IPO11: variants seen among roughly 807,000 people sequenced by gnomAD.
The protein encoded by IPO11 is importin 11, also known as importin-11.
A neutral mutation model predicts 143.2 loss-of-function variants in IPO11; 66 were observed. The observed-to-expected ratio is 0.46, with a 90% confidence interval of 0.38 to 0.57. IPO11 has a LOEUF of 0.57. Ranked by LOEUF, IPO11 falls within the 20% of genes least tolerant of loss-of-function variation. The pLI is 0.00. For synonymous variants in IPO11, 385 were observed against 377.8 expected (o/e 1.02, Z -0.22); for missense variants, 1,026 against 1,141.0 (o/e 0.90, Z 1.45).
chr5:62,536,923 A>C, intron 23 of IPO11, 142 bp downstream of exon 23: 1 of 1,014,690 alleles, frequency 9.9e-7, no homozygotes. Flanking sequence ...AGCATTTCCC[A>C]TTGCAGGGCA....
At chr5:62,458,458 G>A (rs1441015635) in intron 5 of IPO11, among the ~76,000 whole-genome samples, 3 of 152,116 alleles carry the variant, frequency 2.0e-5, no homozygotes, top group Admixed American at 2.0e-4. Flanking sequence ...ATGCCGCTAT[G>A]CCCGGCTAAT....
chr5:62,476,129 C>T (rs886457388), intron 8 of IPO11, among the ~76,000 whole-genome samples: 1 of 152,182 alleles, frequency 6.6e-6, no homozygotes, highest in Non-Finnish European at 1.5e-5. Flanking sequence ...TCATTTTTCT[C>T]TGGCCATCCT....
chr5:62,617,352 A>G (rs975850398), intron 29 of IPO11, among the ~76,000 whole-genome samples: 1 of 152,252 alleles, frequency 6.6e-6, no homozygotes, highest in African/African-American at 2.4e-5. Flanking sequence ...TATAATAGGA[A>G]CAATGTATTA....
chr5:62,547,964 C>T (rs1743263015), intron 24 of IPO11, among the ~76,000 whole-genome samples: 1 of 152,032 alleles, frequency 6.6e-6, no homozygotes, highest in Non-Finnish European at 1.5e-5. Flanking sequence ...TCAGAGACAA[C>T]CACTTTTAGT....
intron 24 of IPO11, among the ~76,000 whole-genome samples, chr5:62,542,957 A>G (rs1284765139): frequency 6.6e-6 from 1 of 152,198 alleles, no homozygotes; most frequent in Non-Finnish European, 1.5e-5. Context: ...TCATACTAGC[A>G]TTTAACATAT....
intron 29 of IPO11, among the ~76,000 whole-genome samples, chr5:62,608,950 G>A (rs1745832099): frequency 1.3e-5 from 2 of 152,146 alleles, no homozygotes; most frequent in African/African-American, 4.8e-5. Flanking sequence ...TGTTTTTACT[G>A]TCTCCATCGT....
chr5:62,499,569 C>CTT (rs35545041), intron 16 of IPO11, among the ~76,000 whole-genome samples: 2,817 of 100,062 alleles, frequency 0.028, 51 homozygotes, highest in Non-Finnish European at 0.034. Flanking sequence ...CTTACTCTAA[C>CTT]TTTTTTTTTT....
At chr5:62,470,336 CTT>C in intron 7 of IPO11, 28 bp downstream of exon 7, 4 of 1,601,882 alleles carry the variant, frequency 2.5e-6, no homozygotes, top group Non-Finnish European at 3.4e-6. Context: ...TTTGCTGTGA[CTT>C]TGGGAAAGTG....
chr5:62,475,290 G>T (rs1314858229), intron 8 of IPO11, among the ~76,000 whole-genome samples: 1 of 152,180 alleles, frequency 6.6e-6, no homozygotes, highest in South Asian at 2.1e-4. Context: ...GGAGGCCGAG[G>T]CGAGTGAGTC....
chr5:62,425,250 G>A (rs1407558877), intron 1 of IPO11, among the ~76,000 whole-genome samples: 8 of 152,138 alleles, frequency 5.3e-5, no homozygotes, highest in Non-Finnish European at 7.3e-5. Flanking sequence ...TCCTTGGGGG[G>A]AAAGGAACAT....
chr5:62,612,753 C>G (rs1192767340), intron 29 of IPO11, among the ~76,000 whole-genome samples: 3 of 152,174 alleles, frequency 2.0e-5, no homozygotes, highest in African/African-American at 7.2e-5. Flanking sequence ...CTTGAGATCA[C>G]CAATAACTTT....
chr5:62,416,679 TAAC>T (rs1743303777), intron 1 of IPO11, among the ~76,000 whole-genome samples: 4 of 152,050 alleles, frequency 2.6e-5, no homozygotes, highest in Admixed American at 1.3e-4. Flanking sequence ...AGTACTAACT[TAAC>T]AAGGATTTAA....
intron 5 of IPO11, among the ~76,000 whole-genome samples, chr5:62,458,663 G>C (rs1458846450): frequency 6.6e-6 from 1 of 152,176 alleles, no homozygotes; most frequent in Admixed American, 6.5e-5. Context: ...TTTGTGCTGT[G>C]AACCTGTGGG....
intron 24 of IPO11, among the ~76,000 whole-genome samples, chr5:62,547,725 C>T (rs1743253038): frequency 6.6e-6 from 1 of 151,940 alleles, no homozygotes; most frequent in African/African-American, 2.4e-5. Flanking sequence ...CTAAGTACTC[C>T]CTTGCCACAA....
intron 15 of IPO11, among the ~76,000 whole-genome samples, chr5:62,491,018 T>C (rs553848980): frequency 4.6e-5 from 7 of 152,374 alleles, no homozygotes; most frequent in Admixed American, 3.9e-4. Flanking sequence ...TTTCATAGTT[T>C]ATAAAATTAT....
At chr5:62,444,864 G>GT (rs1231062173) in intron 3 of IPO11, among the ~76,000 whole-genome samples, 7 of 151,068 alleles carry the variant, frequency 4.6e-5, no homozygotes, top group African/African-American at 1.7e-4. Flanking sequence ...GTGAGACTAT[G>GT]TCTCAAAAGA....
intron 1 of IPO11, among the ~76,000 whole-genome samples, chr5:62,425,462 C>T (rs765378333): frequency 3.3e-5 from 5 of 152,142 alleles, no homozygotes; most frequent in Non-Finnish European, 5.9e-5. Flanking sequence ...GGATTACAGG[C>T]GAGCGCCACC....
At chr5:62,624,467 T>C (rs1746488344) in intron 29 of IPO11, among the ~76,000 whole-genome samples, 1 of 98,218 alleles carries the variant, frequency 1.0e-5, no homozygotes, top group East Asian at 2.4e-4. Context: ...TAATGCATTA[T>C]AATTAACATG....
At chr5:62,413,267 T>G (rs1159486091) in intron 1 of IPO11, 1 of 152,278 alleles carries the variant, frequency 6.6e-6, no homozygotes, top group Non-Finnish European at 1.5e-5. Flanking sequence ...GGATAGGTGG[T>G]GCAAATTTTG....
Sources: allele counts gnomAD v4.1 joint callset (sites outside exome capture counted in the v4.1 genomes callset), GRCh38; gene constraint gnomAD v4.1.1; transcripts MANE v1.5; gene names NCBI Gene and HGNC (gene_info 2026-07-23, HGNC 2026-07-21).